The following CHCHD2 variants were observed in gnomAD, a reference collection of about 807,000 sequenced individuals.
CHCHD2 encodes coiled-coil-helix-coiled-coil-helix domain containing 2, also known as coiled-coil-helix-coiled-coil-helix domain-containing protein 2.
In CHCHD2, 17 loss-of-function variants were observed where a neutral mutation model predicts 17.5. That is an observed-to-expected ratio of 0.97 (90% CI 0.67 to 1.46). The LOEUF is 1.46. Among genes scored for constraint, CHCHD2 ranks in the 40% most tolerant of loss-of-function variants. The pLI is 0.00. For missense variants in CHCHD2, 175 were observed against 199.9 expected (o/e 0.88, Z 0.75); for synonymous variants, 63 against 74.3 (o/e 0.85, Z 0.78).
chr7:56,105,636 C>T (rs1007439087), intron 1 of CHCHD2, among the ~76,000 whole-genome samples: 2 of 152,116 alleles, frequency 1.3e-5, no homozygotes, highest in Admixed American at 1.3e-4. Context: ...AGAATAAAGT[C>T]GCCAAGTGTG....
At chr7:56,103,735 G>A (rs1785327844) in intron 2 of CHCHD2, among the ~76,000 whole-genome samples, 1 of 152,130 alleles carries the variant, frequency 6.6e-6, no homozygotes, top group African/African-American at 2.4e-5. Context: ...GAAGCTTCAG[G>A]GAGGAAAAAT....
At position 56,101,807 on chromosome 7, in the gene CHCHD2, G is replaced by C. The variant is rs202169344; in HGVS notation, c.*44C>G. The C allele has an allele frequency of 7.9e-5, 124 of 1,573,354 alleles. No homozygotes were observed. Among genetic ancestry groups the C allele is most frequent in the Non-Finnish European group, 9.4e-5 (108 of 1,147,206 alleles). The stretch of plus-strand genomic sequence containing the variant: ...TCTATTTTTATACTAAATTAACTTA[G>C]TTATGAGAGCTGATTTTCCATCTCT... On this transcript the variant is annotated 3_prime_UTR_variant, in exon 4 of 4. Coordinates refer to ENST00000395422, the MANE Select transcript of CHCHD2 (RefSeq NM_016139.4).
intron 1 of CHCHD2, 87 bp downstream of exon 1, chr7:56,106,277 A>AC: frequency 7.5e-7 from 1 of 1,338,984 alleles, no homozygotes. Flanking sequence ...ACCTTAGTTC[A>AC]CCCCCGCCCG....
chr7:56,102,149 C>A (rs1299543943), intron 3 of CHCHD2, among the ~76,000 whole-genome samples: 3 of 151,970 alleles, frequency 2.0e-5, no homozygotes, highest in African/African-American at 7.2e-5. Context: ...TAACAAGACA[C>A]CCTGAATCTC....
chr7:56,104,489 GAAAAA>G lies in CHCHD2; in HGVS notation c.51-19_51-15del. 1.3e-6 allele frequency: 2 copies of G among 1,526,378 alleles called. No homozygotes were observed. Among genetic ancestry groups the G allele is most frequent in the Non-Finnish European group, 1.8e-6 (2 of 1,132,498 alleles). The allele number at this position is 1,526,378 out of a possible 1,614,324, so 94.6% of individuals were successfully genotyped here. On this transcript the variant is annotated splice_polypyrimidine_tract_variant and intron_variant, in intron 1 of 3. Coordinates refer to ENST00000395422, the MANE Select transcript of CHCHD2 (RefSeq NM_016139.4). ...TGAGGGGCCCGGCTGTGAAAGAAAAGAAAAAAACATCAAGTTCCCAATTCCAACCA... is the reference window on the plus strand; with the variant it reads ...TGAGGGGCCCGGCTGTGAAAGAAAAGAACATCAAGTTCCCAATTCCAACCA...
rs941014757 is a variant in CHCHD2, at chr7:56,104,451, T to G, written c.75A>C (p.Ala25=). ...PASRAPQMRA[A]PRPAPVAQPP... is the part of the protein sequence containing the mutation. The stretch of plus-strand genomic sequence containing the variant: ...GCTGAGCGACTGGTGCTGGCCTGGG[T>G]GCAGCTCTCATCTGAGGGGCCCGGC... Residue 25 remains alanine, a synonymous_variant, in exon 2 of 4, where the codon GCA becomes GCC. Coordinates refer to ENST00000395422, the MANE Select transcript of CHCHD2 (RefSeq NM_016139.4). 8.7e-6 allele frequency: 14 copies of G among 1,601,510 alleles called. No homozygotes were observed. In the African/African-American group the frequency reaches 1.9e-4, roughly 21 times the overall value.
chr7:56,103,354 C>T (rs1785321966), intron 2 of CHCHD2, among the ~76,000 whole-genome samples: 1 of 152,178 alleles, frequency 6.6e-6, no homozygotes, highest in Non-Finnish European at 1.5e-5. Flanking sequence ...GTAGCAGGCA[C>T]CTGTAATCCC....
intron 1 of CHCHD2, among the ~76,000 whole-genome samples, chr7:56,105,661 C>T (rs1326007838): frequency 2.0e-5 from 3 of 152,138 alleles, no homozygotes; most frequent in Non-Finnish European, 2.9e-5. Flanking sequence ...ACAGGTGGCG[C>T]ATGCCTGTAG....
Position 56,102,974 on chromosome 7 carries a change from G to C in CHCHD2, c.338C>G (p.Pro113Arg). 1 of 1,614,200 alleles carries C rather than the reference G, an allele frequency of 6.2e-7. No individual in the cohort carries two copies. Among genetic ancestry groups the C allele is most frequent in the Non-Finnish European group, 8.5e-7 (1 of 1,180,016 alleles). ...AAACTGTTTGATCTCATAGAGGCAA[G>C]GCTGCTGCTGCTGTGCTGGCTGGGT... is the stretch of plus-strand genomic sequence containing the variant. The part of the protein sequence containing the change: ...QGTQPAQQQQ[P>R]CLYEIKQFLE... The change falls in exon 3 of 4, where the codon CCT becomes CGT. Residue 113 changes from proline (P) to arginine (R), a missense_variant. Physicochemically the swap from Pro to Arg is moderately radical, Grantham distance 103. Transcript: ENST00000395422.
intron 3 of CHCHD2, among the ~76,000 whole-genome samples, chr7:56,102,189 C>T (rs964010049): frequency 1.1e-4 from 16 of 152,082 alleles, no homozygotes; most frequent in African/African-American, 3.9e-4. Flanking sequence ...TTAATTAACT[C>T]CTTTCACTCA....
chr7:56,101,576 G>A lies in CHCHD2; in HGVS notation c.*275C>T. ...TATAGACTAAATGAACCATACCTTG[G>A]AAGAAAATGACTTTATTCTAATTAA... On this transcript the variant is annotated 3_prime_UTR_variant, in exon 4 of 4. Transcript: ENST00000395422. The A allele has an allele frequency of 5.0e-6, 2 of 396,484 alleles. No individual in the cohort carries two copies. The highest frequency in any genetic ancestry group is 9.2e-6 in the Non-Finnish European group (2 of 216,410). The allele number at this position is 396,484 out of a possible 1,614,324, so 24.6% of individuals were successfully genotyped here. A position where few individuals can be genotyped will look rare whatever the true frequency, so the allele number is the denominator to read the frequency against.
At chr7:56,105,850 A>G (rs1172964662) in intron 1 of CHCHD2, among the ~76,000 whole-genome samples, 1 of 152,192 alleles carries the variant, frequency 6.6e-6, no homozygotes, top group African/African-American at 2.4e-5. Context: ...AATCTAGTCC[A>G]ATTCCTTCAT....
intron 2 of CHCHD2, among the ~76,000 whole-genome samples, chr7:56,103,590 A>C (rs1785325021): frequency 6.6e-6 from 1 of 152,228 alleles, no homozygotes; most frequent in African/African-American, 2.4e-5. Flanking sequence ...CTCCGTTCCC[A>C]GCCAAAAGTG....
chr7:56,104,212 G>A lies in CHCHD2; in HGVS notation c.300+14C>T. 1 of 1,610,616 alleles carries A rather than the reference G, an allele frequency of 6.2e-7. No homozygotes were observed. The highest frequency in any genetic ancestry group is 8.5e-7 in the Non-Finnish European group (1 of 1,177,016). ...AATCCACCCATGGAAGGGAAATGCT[G>A]CCTAAATTCCCACCTGGTAAGTGAT... On this transcript the variant is annotated intron_variant, in intron 2 of 3. Transcript: ENST00000395422.
rs879079140 is a variant in CHCHD2, at chr7:56,104,224, A to G, written c.300+2T>C. 1 of 1,611,948 alleles carries G rather than the reference A, an allele frequency of 6.2e-7. No individual in the cohort carries two copies. The highest frequency in any genetic ancestry group is 8.5e-7 in the Non-Finnish European group (1 of 1,178,144). On this transcript the variant is annotated splice_donor_variant, in intron 2 of 3. Transcript: ENST00000395422. LOFTEE classifies it high-confidence loss of function. Reference sequence around the variant, plus strand: ...GAAGGGAAATGCTGCCTAAATTCCCACCTGGTAAGTGATGTCAGGCCTCGC... The same window carrying G: ...GAAGGGAAATGCTGCCTAAATTCCCGCCTGGTAAGTGATGTCAGGCCTCGC...
chr7:56,104,614 T>TC (rs1344789416), intron 1 of CHCHD2, 139 bp from the exon 2 acceptor site: 34 of 1,094,374 alleles, frequency 3.1e-5, no homozygotes, highest in Non-Finnish European at 4.1e-5. Context: ...CTCTTCAATT[T>TC]TTTTTTTTTT....
At position 56,106,436 on chromosome 7, in the gene CHCHD2, C is replaced by T. The variant is rs368503740; in HGVS notation, c.-23G>A. 8.0e-5 allele frequency: 129 copies of T among 1,612,768 alleles called. No homozygotes were observed. Among genetic ancestry groups the T allele is most frequent in the Non-Finnish European group, 1.1e-4 (125 of 1,179,270 alleles). On this transcript the variant is annotated 5_prime_UTR_variant, in exon 1 of 4. Transcript: ENST00000395422. ...CATCCTAGGTAAGCGACGGCTAGGC[C>T]TCCGGACGTGGGACAACCACCGAAG...
At chr7:56,104,065 G>C (rs200773524) in intron 2 of CHCHD2, among the ~76,000 whole-genome samples, 161 bp downstream of exon 2, 1 of 152,146 alleles carries the variant, frequency 6.6e-6, no homozygotes, top group Non-Finnish European at 1.5e-5. Flanking sequence ...CTGGCCTAAG[G>C]CAGTAACTCA....
chr7:56,103,043 A>C (rs781222772), intron 2 of CHCHD2, 32 bp from the exon 3 acceptor site: 13 of 1,613,302 alleles, frequency 8.1e-6, no homozygotes, highest in Non-Finnish European at 1.1e-5. Context: ...CATTGCTGAG[A>C]AAGAAAATCA....
Sources: gnomAD v4.1 joint callset for allele counts (sites outside exome capture counted in the v4.1 genomes callset) on GRCh38, gnomAD v4.1.1 for gene constraint, MANE v1.5 for transcripts, NCBI Gene and HGNC (gene_info 2026-07-23, HGNC 2026-07-21) for gene names.